The following SLC22A11 variants were observed in gnomAD, a reference collection of about 807,000 sequenced individuals.
SLC22A11 encodes the protein organic anion transporter 4.
A neutral mutation model predicts 49.4 loss-of-function variants in SLC22A11; 42 were observed. That is an observed-to-expected ratio of 0.85 (90% CI 0.66 to 1.10). The LOEUF is 1.10. SLC22A11 is among the 50% of genes least tolerant of loss of function. SLC22A11 has a pLI of 0.00. For synonymous variants in SLC22A11, 304 were observed against 315.8 expected, an observed-to-expected ratio of 0.96 and a Z score of 0.40; for missense variants, 685 against 731.6, an observed-to-expected ratio of 0.94 and a Z score of 0.74.
At chr11:64,561,886 G>A (rs2135421913) in intron 2 of SLC22A11, 118 bp from the exon 3 acceptor site, 1 of 1,236,938 alleles carries the variant, frequency 8.1e-7, no homozygotes, top group Non-Finnish European at 1.1e-6. Context: ...CAAGAAGGAG[G>A]AGCTGGCTGC....
intron 8 of SLC22A11, among the ~76,000 whole-genome samples, chr11:64,569,190 AC>A (rs2038670071): frequency 6.6e-6 from 1 of 151,758 alleles, no homozygotes; most frequent in African/African-American, 2.4e-5. Context: ...AGTCTAGGCC[AC>A]CCCCACATTT....
chr11:64,557,674 C>T (rs1471420378), intron 1 of SLC22A11, among the ~76,000 whole-genome samples: 4 of 146,714 alleles, frequency 2.7e-5, no homozygotes, highest in Admixed American at 2.1e-4. Context: ...CTCTGTCACC[C>T]AGGCTGGAGC....
Position 64,560,885 on chromosome 11 carries a change from G to A in SLC22A11, c.498-1119G>A, listed in dbSNP as rs539304284. 5.9e-5 allele frequency among the ~76,000 whole-genome samples: 9 copies of A among 152,330 alleles called. No individual in the cohort carries two copies. The East Asian group carries it at 1.5e-3, about 26-fold the overall frequency. On this transcript the variant is annotated intron_variant, in intron 2 of 9. Transcript: ENST00000301891. ...TCTGACTACCTGGGTCTGAATCCCA[G>A]CCTTATCCCACCCAGCCTTGTCCTA...
intron 6 of SLC22A11, among the ~76,000 whole-genome samples, chr11:64,567,237 C>G (rs1298577036): frequency 6.6e-6 from 1 of 152,206 alleles, no homozygotes; most frequent in Admixed American, 6.5e-5. Context: ...CACAGTGTGA[C>G]TGGTTATCAG....
chr11:64,558,494 G>A (rs2038494635), intron 1 of SLC22A11, among the ~76,000 whole-genome samples: 1 of 152,180 alleles, frequency 6.6e-6, no homozygotes, highest in Admixed American at 6.5e-5. Context: ...ATGGATGACT[G>A]GTCCTGGGCT....
chr11:64,570,977 A>G lies in SLC22A11; in HGVS notation c.1590-2A>G. The G allele has an allele frequency of 6.2e-7, 1 of 1,614,218 alleles. No individual in the cohort carries two copies. Among genetic ancestry groups the G allele is most frequent in the Non-Finnish European group, 8.5e-7 (1 of 1,180,020 alleles). On this transcript the variant is annotated splice_acceptor_variant, in intron 9 of 9. Coordinates refer to ENST00000301891, the MANE Select transcript of SLC22A11 (RefSeq NM_018484.4). LOFTEE classifies it high-confidence loss of function. Reference sequence around the variant, plus strand: ...GCACTGCTTTTCTTTGGATTATTCTAGGAAATCAACAGCAGCCCAGGGCAA... The same window carrying G: ...GCACTGCTTTTCTTTGGATTATTCTGGGAAATCAACAGCAGCCCAGGGCAA...
intron 9 of SLC22A11, among the ~76,000 whole-genome samples, chr11:64,570,291 T>G (rs2038686689): frequency 6.6e-6 from 1 of 152,224 alleles, no homozygotes; most frequent in Non-Finnish European, 1.5e-5. Context: ...GGTGAGTTCT[T>G]TCAAACCCTC....
Position 64,564,513 on chromosome 11 carries a change from A to C in SLC22A11, c.942+85A>C. On this transcript the variant is annotated intron_variant, in intron 5 of 9. Transcript: ENST00000301891. The surrounding 1 kb of genome is among the most constrained non-coding windows in gnomAD (Gnocchi z 4.2). ...CGTGTGGCCTCCAACAGCACCACCC[A>C]CTCCAGCACCACCTCCACCAGCACC... 1 of 1,515,794 alleles carries C rather than the reference A, an allele frequency of 6.6e-7. No homozygotes were observed. Among genetic ancestry groups the C allele is most frequent in the Admixed American group, 1.8e-5 (1 of 54,602 alleles). The allele number at this position is 1,515,794 out of a possible 1,614,324, so 93.9% of individuals were successfully genotyped here.
chr11:64,558,210 C>T (rs1271234672), intron 1 of SLC22A11, among the ~76,000 whole-genome samples: 4 of 152,236 alleles, frequency 2.6e-5, no homozygotes, highest in Non-Finnish European at 4.4e-5. Context: ...GTTGGGATTA[C>T]AGGCATGAGC....
chr11:64,568,372 G>C (rs2038657223), intron 7 of SLC22A11, among the ~76,000 whole-genome samples: 2 of 152,236 alleles, frequency 1.3e-5, no homozygotes. Flanking sequence ...AGGCATCTCG[G>C]GACCCTAGGA....
intron 1 of SLC22A11, among the ~76,000 whole-genome samples, chr11:64,557,981 A>G (rs2038487437): frequency 6.6e-6 from 1 of 152,030 alleles, no homozygotes; most frequent in African/African-American, 2.4e-5. Flanking sequence ...TATTTTTAGT[A>G]GAGAAGGGGT....
At chr11:64,570,877 A>G in intron 9 of SLC22A11, 102 bp from the exon 10 acceptor site, 1 of 1,110,480 alleles carries the variant, frequency 9.0e-7, no homozygotes, top group Non-Finnish European at 1.4e-6. Flanking sequence ...GCCTAATGCC[A>G]TAGAGTTTAC....
In SLC22A11 at chr11:64,562,342, C is replaced by T. The variant is rs138399841; in HGVS notation, c.728C>T (p.Ala243Val). 94 of 1,610,970 alleles carry T rather than the reference C, an allele frequency of 5.8e-5. 1 individual carries two copies. Among genetic ancestry groups the T allele is most frequent in the Non-Finnish European group, 6.4e-5 (76 of 1,178,730 alleles). The change falls in exon 4 of 10, where the codon GCG (alanine) becomes GTG (valine). Residue 243 changes from alanine (A) to valine (V), a missense_variant. Physicochemically the swap from Ala to Val is moderately conservative, Grantham distance 64 (BLOSUM62 0). Transcript: ENST00000301891. This position sits in a 1 kb window ranked among gnomAD's most constrained non-coding sequence, Gnocchi z 4.4. ...VVGCAFSAGQ[A>V]ALGGLAFALR... ...GGATGTGCCTTCAGCGCAGGCCAGG[C>T]GGCGCTGGGCGGCCTGGCCTTTGCC... is the stretch of plus-strand genomic sequence containing the variant.
At chr11:64,561,215 TC>T (rs2135421505) in intron 2 of SLC22A11, among the ~76,000 whole-genome samples, 1 of 152,294 alleles carries the variant, frequency 6.6e-6, no homozygotes, top group East Asian at 1.9e-4. Flanking sequence ...AGCACCCCCT[TC>T]ACAGCGCACA....
At chr11:64,561,204 G>A (rs1026809846) in intron 2 of SLC22A11, among the ~76,000 whole-genome samples, 1 of 152,206 alleles carries the variant, frequency 6.6e-6, no homozygotes, top group Non-Finnish European at 1.5e-5. Flanking sequence ...TCCGCCCCAT[G>A]AGCACCCCCT....
At position 64,556,396 on chromosome 11, in the gene SLC22A11, G is replaced by T; in HGVS notation, c.393+4G>T. On this transcript the variant is annotated splice_donor_region_variant and intron_variant, in intron 1 of 9. Coordinates refer to ENST00000301891, the MANE Select transcript of SLC22A11 (RefSeq NM_018484.4). ...CACCTCCACCATCGTGGCCAAGGTA[G>T]GGCCTCCCCCAGAGCCACTCGAGTC... 1.9e-6 allele frequency: 3 copies of T among 1,609,674 alleles called. No homozygotes were observed. Among genetic ancestry groups the T allele is most frequent in the Non-Finnish European group, 2.5e-6 (3 of 1,179,948 alleles).
Position 64,555,991 on chromosome 11 carries a change from GCT to G in SLC22A11, c.-6_-5del. 3 of 1,597,604 alleles carry G rather than the reference GCT, an allele frequency of 1.9e-6. No homozygotes were observed. Among genetic ancestry groups the G allele is most frequent in the Non-Finnish European group, 2.6e-6 (3 of 1,173,934 alleles). On this transcript the variant is annotated 5_prime_UTR_variant, in exon 1 of 10. Transcript: ENST00000301891. ...GTCAGCAGTCCGCTCAGCCGAGGCA[GCT>G]CTGTTCATGGCGTTCTCGAAGCTCT... is the stretch of plus-strand genomic sequence containing the variant.
In SLC22A11 at chr11:64,567,461, C is replaced by T. The variant is rs567664274; in HGVS notation, c.1059-138C>T. ...CCTGAGTTTGGCAGGCTTCTGGGAT[C>T]GCTGGCCGAGACAAGCCCAGGATTG... is the stretch of plus-strand genomic sequence containing the variant. On this transcript the variant is annotated intron_variant, in intron 6 of 9. Transcript: ENST00000301891. 66 of 773,312 alleles carry T rather than the reference C, an allele frequency of 8.5e-5. No homozygotes were observed. In the East Asian group the frequency reaches 1.5e-3, roughly 18 times the overall value. 47.9% of individuals were successfully genotyped at this position (773,312 alleles called of 1,614,324 possible). A position where few individuals can be genotyped will look rare whatever the true frequency, so the allele number is the denominator to read the frequency against.
At chr11:64,570,201 T>G (rs1420370826) in intron 9 of SLC22A11, among the ~76,000 whole-genome samples, 1 of 152,214 alleles carries the variant, frequency 6.6e-6, no homozygotes, top group Non-Finnish European at 1.5e-5. Context: ...TCACCAAAAC[T>G]GACAAAGGGA....
Sources: allele counts gnomAD v4.1 joint callset (sites outside exome capture counted in the v4.1 genomes callset), GRCh38; gene constraint gnomAD v4.1.1; non-coding constraint Gnocchi (gnomAD v3.1); transcripts MANE v1.5; gene names NCBI Gene and HGNC (gene_info 2026-07-23, HGNC 2026-07-21).